Variants in RPTOR observed in about 807,000 individuals in gnomAD.
RPTOR encodes regulatory associated protein of MTOR complex 1.
Under a neutral mutation model 169.9 loss-of-function variants are expected in RPTOR, and 21 were observed. The observed-to-expected ratio is 0.12, with a 90% CI of 0.09 to 0.18. RPTOR has a LOEUF of 0.18. Among genes scored for constraint, RPTOR ranks in the 10% least tolerant of loss-of-function variants. The pLI is 1.00. For missense variants in RPTOR, 1,133 were observed against 1,855.9 expected, an observed-to-expected ratio of 0.61 and a Z score of 7.16; for synonymous variants, 732 against 753.2, an observed-to-expected ratio of 0.97 and a Z score of 0.46.
chr17:80,890,475 C>T (rs976959717), intron 17 of RPTOR, among the ~76,000 whole-genome samples: 5 of 126,320 alleles, frequency 4.0e-5, no homozygotes, highest in South Asian at 2.8e-4. Flanking sequence ...GCGCCAGAAC[C>T]GGGGCGTGGG....
At chr17:80,624,213 C>T (rs531768248) in intron 1 of RPTOR, among the ~76,000 whole-genome samples, 3 of 152,174 alleles carry the variant, frequency 2.0e-5, no homozygotes, top group South Asian at 2.1e-4. Context: ...AGGACTTACT[C>T]GTGAAGAAAA....
chr17:80,814,156 A>G lies in RPTOR; in HGVS notation c.891-8045A>G, dbSNP rs77001027. Reference sequence around the variant, plus strand: ...CTCATCTCAAAAAAATTTTTTTTTCATAAGACAGTTTTGAAATATCTTCCC... The same window carrying G: ...CTCATCTCAAAAAAATTTTTTTTTCGTAAGACAGTTTTGAAATATCTTCCC... On this transcript the variant is annotated intron_variant, in intron 7 of 33. Transcript: ENST00000306801. 9.1e-4 allele frequency among the ~76,000 whole-genome samples: 138 copies of G among 152,250 alleles called. 1 individual carries two copies. In the East Asian group the frequency reaches 0.025, roughly 28 times the overall value.
chr17:80,617,459 A>T (rs1198654983), intron 1 of RPTOR, among the ~76,000 whole-genome samples: 9 of 152,248 alleles, frequency 5.9e-5, no homozygotes, highest in Non-Finnish European at 1.3e-4. Context: ...ATCATGTAAC[A>T]CTGTTTAATA....
intron 7 of RPTOR, among the ~76,000 whole-genome samples, chr17:80,811,424 A>C (rs192847838): frequency 6.6e-6 from 1 of 152,138 alleles, no homozygotes; most frequent in Non-Finnish European, 1.5e-5. Flanking sequence ...CCTGTGGTAA[A>C]CCCCAGCTGG....
chr17:80,587,151 C>G (rs1275494837), intron 1 of RPTOR, among the ~76,000 whole-genome samples: 1 of 152,292 alleles, frequency 6.6e-6, no homozygotes, highest in East Asian at 1.9e-4. Flanking sequence ...GCTCGCCCCT[C>G]TGGCCTCCCC....
At chr17:80,953,805 G>A (rs974092665) in intron 28 of RPTOR, among the ~76,000 whole-genome samples, 13 of 152,186 alleles carry the variant, frequency 8.5e-5, no homozygotes, top group African/African-American at 3.1e-4. Context: ...GGGCAGAAAC[G>A]GGGAAGTATG....
At chr17:80,908,962 C>A in intron 21 of RPTOR, 33 bp downstream of exon 21, 1 of 1,473,684 alleles carries the variant, frequency 6.8e-7, no homozygotes, top group Non-Finnish European at 9.5e-7. Flanking sequence ...CGCGCTCCAG[C>A]TGCTGGTTCT....
At chr17:80,756,725 T>G (rs936138062) in intron 6 of RPTOR, among the ~76,000 whole-genome samples, 3 of 152,158 alleles carry the variant, frequency 2.0e-5, no homozygotes, top group African/African-American at 7.2e-5. Context: ...ATGTTTGAGG[T>G]GATGTATGAG....
At position 80,884,860 on chromosome 17, in the gene RPTOR, T is replaced by C. The variant is rs2068226396; in HGVS notation, c.1843-148T>C. On this transcript the variant is annotated intron_variant, in intron 16 of 33. Transcript: ENST00000306801. ...CCCACCTCCTTCCCCGTTGCCACTC[T>C]GATAGTGCGAGGAGAGCCTTGGGCC... 1.3e-5 allele frequency: 14 copies of C among 1,090,036 alleles called. 1 individual carries two copies. In the South Asian group the frequency reaches 2.3e-4, roughly 18 times the overall value. The allele number at this position is 1,090,036 out of a possible 1,614,324, so 67.5% of individuals were successfully genotyped here.
chr17:80,614,875 C>T (rs1487462343), intron 1 of RPTOR, among the ~76,000 whole-genome samples: 1 of 152,196 alleles, frequency 6.6e-6, no homozygotes, highest in Non-Finnish European at 1.5e-5. Context: ...GTGCTGTTGC[C>T]TTCGTCACCA....
chr17:80,556,518 A>G (rs763535795), intron 1 of RPTOR, among the ~76,000 whole-genome samples: 9 of 152,214 alleles, frequency 5.9e-5, no homozygotes, highest in Admixed American at 6.5e-5. Flanking sequence ...TGCTTCAATA[A>G]AAACAGCAAG....
At chr17:80,604,353 G>A (rs11869826) in intron 1 of RPTOR, among the ~76,000 whole-genome samples, 48,106 of 151,872 alleles carry the variant, frequency 0.32, 7,728 homozygotes, top group Middle Eastern at 0.37. Flanking sequence ...GAACATCATT[G>A]AATTACAATT....
intron 5 of RPTOR, among the ~76,000 whole-genome samples, chr17:80,737,803 T>TCCCCC (rs1567883256): frequency 2.3e-4 from 31 of 137,078 alleles, no homozygotes; most frequent in African/African-American, 8.7e-4. Context: ...TCTCTTTTTC[T>TCCCCC]CCCCCGCCCC....
chr17:80,912,215 G>C (rs1339652153), intron 21 of RPTOR, among the ~76,000 whole-genome samples: 1 of 152,150 alleles, frequency 6.6e-6, no homozygotes, highest in Non-Finnish European at 1.5e-5. Context: ...GTCTCTGCTG[G>C]CAGTTCTCTG....
intron 21 of RPTOR, among the ~76,000 whole-genome samples, chr17:80,914,559 G>C (rs548663134): frequency 7.5e-4 from 114 of 152,342 alleles, no homozygotes; most frequent in Non-Finnish European, 1.2e-3. Context: ...CCCGCTCCCT[G>C]GCCTCTCCCT....
At chr17:80,698,441 C>A (rs544215228) in intron 3 of RPTOR, among the ~76,000 whole-genome samples, 2 of 152,294 alleles carry the variant, frequency 1.3e-5, no homozygotes, top group South Asian at 4.2e-4. Flanking sequence ...ACCGTTGTCA[C>A]CAGCATGTGG....
chr17:80,778,129 A>G (rs1158233282), intron 6 of RPTOR, among the ~76,000 whole-genome samples: 1 of 152,220 alleles, frequency 6.6e-6, no homozygotes, highest in East Asian at 1.9e-4. Context: ...TGGATTAATC[A>G]AATTACCAAC....
chr17:80,654,664 G>A (rs1047822687), intron 3 of RPTOR, among the ~76,000 whole-genome samples: 9 of 152,126 alleles, frequency 5.9e-5, no homozygotes, highest in East Asian at 1.9e-4. Context: ...TGCTTACCCC[G>A]GACTGGAACA....
chr17:80,836,619 G>A (rs1306633317), intron 9 of RPTOR, among the ~76,000 whole-genome samples: 1 of 152,176 alleles, frequency 6.6e-6, no homozygotes, highest in African/African-American at 2.4e-5. Context: ...GCCAGGCCTG[G>A]GGTACCACGA....
Sources: allele counts gnomAD v4.1 joint callset (sites outside exome capture counted in the v4.1 genomes callset), GRCh38; gene constraint gnomAD v4.1.1; transcripts MANE v1.5; gene names NCBI Gene and HGNC (gene_info 2026-07-23, HGNC 2026-07-21).